Variants in TMEM45A observed in about 807,000 individuals in gnomAD.
The protein encoded by TMEM45A is transmembrane protein 45A.
A neutral mutation model predicts 32.0 loss-of-function variants in TMEM45A; 25 were observed. The observed-to-expected ratio is 0.78, with a 90% CI of 0.57 to 1.09. The LOEUF (loss-of-function observed/expected upper bound fraction) is 1.09. Among genes scored for constraint, TMEM45A ranks in the 50% least tolerant of loss-of-function variants. TMEM45A has a pLI of 0.00. For synonymous variants in TMEM45A, 122 were observed against 114.8 expected (o/e 1.06, Z -0.40); for missense variants, 302 against 325.0 (o/e 0.93, Z 0.54).
chr3:100,541,739 T>C (rs7618030), intron 1 of TMEM45A, among the ~76,000 whole-genome samples: 70,530 of 151,734 alleles, frequency 0.46, 16,922 homozygotes, highest in African/African-American at 0.57. Context: ...CCATGTTGCC[T>C]AGGCTGGTCT....
At chr3:100,495,734 T>G (rs1343459577) in intron 1 of TMEM45A, among the ~76,000 whole-genome samples, 1 of 152,002 alleles carries the variant, frequency 6.6e-6, no homozygotes, top group African/African-American at 2.4e-5. Flanking sequence ...GGGCAGTGAG[T>G]CTGTGTTTTG....
intron 1 of TMEM45A, among the ~76,000 whole-genome samples, chr3:100,521,232 G>C (rs7431846): frequency 0.18 from 27,967 of 151,712 alleles, 2,807 homozygotes; most frequent in East Asian, 0.31. Context: ...GCTGAGATGG[G>C]ATACGGTAGG....
intron 4 of TMEM45A, 21 bp from the exon 5 acceptor site, chr3:100,568,801 G>T (rs1243448378): frequency 1.3e-6 from 2 of 1,578,814 alleles, no homozygotes; most frequent in Admixed American, 3.5e-5. Context: ...TTTAATATAT[G>T]CTTTTTGTTC....
chr3:100,507,030 G>A lies in TMEM45A; in HGVS notation c.-4+14102G>A, dbSNP rs73152149. Among the ~76,000 whole-genome samples, 787 of 152,278 alleles carry A rather than the reference G, an allele frequency of 5.2e-3. 8 individuals are homozygous for A. Among genetic ancestry groups the A allele is most frequent in the Middle Eastern group, 0.014 (4 of 294 alleles). Reference sequence around the variant, plus strand: ...CAGAAGTTGGAGGCTGGGTCAGAGAGGAGTGTTCTGGGATCATGCATGGAC... The same window carrying A: ...CAGAAGTTGGAGGCTGGGTCAGAGAAGAGTGTTCTGGGATCATGCATGGAC... On this transcript the variant is annotated intron_variant, in intron 1 of 5. Transcript: ENST00000323523.
chr3:100,518,771 A>T (rs1356333358), intron 1 of TMEM45A, among the ~76,000 whole-genome samples: 1 of 152,102 alleles, frequency 6.6e-6, no homozygotes, highest in African/African-American at 2.4e-5. Context: ...TAAGCATGAG[A>T]TGGTCGGCTT....
intron 1 of TMEM45A, among the ~76,000 whole-genome samples, chr3:100,508,024 C>G (rs1369307320): frequency 6.6e-6 from 1 of 151,550 alleles, no homozygotes; most frequent in East Asian, 1.9e-4. Context: ...CAGAAAACCT[C>G]TCAGGCATGG....
At chr3:100,549,530 G>A (rs1706050215) in intron 1 of TMEM45A, among the ~76,000 whole-genome samples, 1 of 152,198 alleles carries the variant, frequency 6.6e-6, no homozygotes, top group Non-Finnish European at 1.5e-5. Flanking sequence ...CTGCCCTCTG[G>A]CACAATGTTT....
intron 1 of TMEM45A, among the ~76,000 whole-genome samples, chr3:100,546,882 A>G (rs573185399): frequency 8.5e-5 from 13 of 152,230 alleles, no homozygotes; most frequent in African/African-American, 3.1e-4. Context: ...GTCTTCGTTA[A>G]CTCTGTGACA....
intron 5 of TMEM45A, chr3:100,573,803 G>A (rs1362665966): frequency 2.0e-5 from 3 of 152,124 alleles, no homozygotes; most frequent in Non-Finnish European, 4.4e-5. Flanking sequence ...AGAGTTTTTA[G>A]CATGAAGGGT....
At chr3:100,548,536 G>A (rs1387519932) in intron 1 of TMEM45A, among the ~76,000 whole-genome samples, 1 of 152,140 alleles carries the variant, frequency 6.6e-6, no homozygotes, top group Non-Finnish European at 1.5e-5. Context: ...CCTGGTCACT[G>A]CGGGCTCCTC....
intron 1 of TMEM45A, among the ~76,000 whole-genome samples, chr3:100,504,616 C>G (rs1708055401): frequency 6.6e-6 from 1 of 152,234 alleles, no homozygotes; most frequent in African/African-American, 2.4e-5. Flanking sequence ...TATCCACCCG[C>G]TTTCATCTCC....
Position 100,558,446 on chromosome 3 carries a change from G to A in TMEM45A, c.445G>A (p.Asp149Asn). Residue 149 changes from aspartate (D) to asparagine (N), a missense_variant, in exon 4 of 6, where the codon GAC becomes AAC. Transcript: ENST00000323523. ...CCACACTCATGGCCGGGAAATGCTG[G>A]ACATCTTTGTGCACCAGCTGCTGGT... Reference protein sequence around the residue: ...YNHTHGREMLDIFVHQLLVLV... With the variant: ...YNHTHGREMLNIFVHQLLVLV... 6.2e-7 allele frequency: 1 copy of A among 1,613,938 alleles called. No individual in the cohort carries two copies. The highest frequency in any genetic ancestry group is 8.5e-7 in the Non-Finnish European group (1 of 1,180,018).
chr3:100,560,079 GGGACTCTTTGAT>G (rs918756883), intron 4 of TMEM45A, among the ~76,000 whole-genome samples: 13 of 152,106 alleles, frequency 8.5e-5, no homozygotes, highest in African/African-American at 2.4e-4. Context: ...CCAGGCTTTT[GGGACTCTTTGAT>G]TGTGTTTTTT....
chr3:100,576,746 C>A (rs144321610), intron 5 of TMEM45A, among the ~76,000 whole-genome samples, 179 bp from the exon 6 acceptor site: 3 of 152,212 alleles, frequency 2.0e-5, no homozygotes, highest in Admixed American at 1.3e-4. Flanking sequence ...TACTTATACC[C>A]TGCTTTAATC....
chr3:100,537,900 C>T (rs1282636005), intron 1 of TMEM45A, among the ~76,000 whole-genome samples: 2 of 152,212 alleles, frequency 1.3e-5, no homozygotes, highest in Non-Finnish European at 2.9e-5. Context: ...TGTGACTGCG[C>T]TGAACCAAAG....
intron 1 of TMEM45A, among the ~76,000 whole-genome samples, chr3:100,541,524 CTTTTTTTTTTT>C (rs61341173): frequency 9.0e-6 from 1 of 111,268 alleles, no homozygotes; most frequent in Non-Finnish European, 1.8e-5. Context: ...CTTTTCTTTC[CTTTTTTTTTTT>C]TTTTTTTTTC....
chr3:100,531,645 G>C (rs899181881), intron 1 of TMEM45A, among the ~76,000 whole-genome samples: 2 of 152,172 alleles, frequency 1.3e-5, no homozygotes, highest in African/African-American at 2.4e-5. Flanking sequence ...ATTATCAAGG[G>C]TTAAGGAAGA....
At chr3:100,535,213 CGGGTTCAAAGGATTCT>C (rs1339450498) in intron 1 of TMEM45A, among the ~76,000 whole-genome samples, 2 of 151,906 alleles carry the variant, frequency 1.3e-5, no homozygotes, top group African/African-American at 2.4e-5. Context: ...GTCCGCTTCC[CGGGTTCAAAGGATTCT>C]CCTGCCTCAG....
rs546992809 is a variant in TMEM45A, at chr3:100,543,981, G to T, written c.-3-11228G>T. On this transcript the variant is annotated intron_variant, in intron 1 of 5. Transcript: ENST00000323523. ...CAGAGGTTTGTTTTGAAGATTAAAG[G>T]AGTTAAGATGAAGAGCACTTACATA... Among the ~76,000 whole-genome samples the T allele has an allele frequency of 8.5e-5, 13 of 152,218 alleles. No homozygotes were observed. In the South Asian group the frequency reaches 2.3e-3, roughly 27 times the overall value.
Sources: allele counts gnomAD v4.1 joint callset (sites outside exome capture counted in the v4.1 genomes callset), GRCh38; gene constraint gnomAD v4.1.1; transcripts MANE v1.5; gene names NCBI Gene and HGNC (gene_info 2026-07-23, HGNC 2026-07-21).